Variants in RASGRP3 observed in about 807,000 individuals in gnomAD.
The protein encoded by RASGRP3 is ras guanyl-releasing protein 3.
Under a neutral mutation model 82.7 loss-of-function variants are expected in RASGRP3, and 54 were observed. The ratio of observed to expected loss-of-function variants is 0.65; its 90% confidence interval spans 0.52 to 0.82. The LOEUF (loss-of-function observed/expected upper bound fraction) is 0.82, where lower values mean the gene tolerates loss of function less well. RASGRP3 is among the 40% of genes least tolerant of loss of function. The probability of loss-of-function intolerance (pLI) is 0.00; values close to 1 mark genes in which losing one functional copy is unlikely to be tolerated. For missense variants in RASGRP3, 861 were observed against 828.9 expected (o/e 1.04, Z -0.48); for synonymous variants, 309 against 300.5 (o/e 1.03, Z -0.29).
At chr2:33,454,764 T>C (rs1665956061) in intron 2 of RASGRP3, among the ~76,000 whole-genome samples, 1 of 152,182 alleles carries the variant, frequency 6.6e-6, no homozygotes, top group Admixed American at 6.5e-5. Flanking sequence ...CACTTGAAAC[T>C]GGAATATTAA....
intron 2 of RASGRP3, among the ~76,000 whole-genome samples, chr2:33,459,828 T>C (rs1666260152): frequency 6.6e-6 from 1 of 152,158 alleles, no homozygotes; most frequent in South Asian, 2.1e-4. Flanking sequence ...TCCTCTGGTG[T>C]TGACTGGAAC....
intron 13 of RASGRP3, among the ~76,000 whole-genome samples, chr2:33,547,060 A>G (rs1276956383): frequency 6.0e-5 from 5 of 83,366 alleles, no homozygotes; most frequent in South Asian, 3.3e-4. Flanking sequence ...AGGGAAAAAA[A>G]AAAAAAAAAA....
chr2:33,559,489 A>G, intron 17 of RASGRP3: 1 of 383,496 alleles, frequency 2.6e-6, no homozygotes, highest in Non-Finnish European at 5.2e-6. Context: ...ATCATGGAAA[A>G]GGGGGTGGTG....
At chr2:33,465,228 C>T (rs1351143562) in intron 2 of RASGRP3, among the ~76,000 whole-genome samples, 1 of 152,184 alleles carries the variant, frequency 6.6e-6, no homozygotes, top group Non-Finnish European at 1.5e-5. Context: ...GTGGTCTGGA[C>T]AGCAGATCAA....
rs530957845 is a variant in RASGRP3, at chr2:33,514,120, T to C, written c.-127-890T>C. 10 of 152,310 alleles carry C rather than the reference T, an allele frequency of 6.6e-5. No individual in the cohort carries two copies. The South Asian group carries it at 2.1e-3, about 32-fold the overall frequency. 9.4% of individuals were successfully genotyped at this position (152,310 alleles called of 1,614,324 possible). ...GTTGTGAAGGTCAAGTTCAATAATA[T>C]ATGCAAAGCATTCGGAATGGTGCAT... On this transcript the variant is annotated intron_variant, in intron 2 of 17. Transcript: ENST00000403687.
chr2:33,453,251 C>T (rs952122918), intron 2 of RASGRP3, among the ~76,000 whole-genome samples: 9 of 152,300 alleles, frequency 5.9e-5, no homozygotes, highest in African/African-American at 1.9e-4. Flanking sequence ...GGGCTTAACA[C>T]ACACATTATC....
Position 33,494,908 on chromosome 2 carries a change from A to T in RASGRP3, c.-260-16802A>T, listed in dbSNP as rs80251438. 5.9e-3 allele frequency among the ~76,000 whole-genome samples: 902 copies of T among 152,384 alleles called. 21 individuals are homozygous for T. The highest frequency in any genetic ancestry group is 0.039 in the East Asian group (203 of 5,194). On this transcript the variant is annotated intron_variant, in intron 1 of 17. Coordinates refer to ENST00000403687, the MANE Select transcript of RASGRP3 (RefSeq NM_001139488.2). ...AAGTGGAAATAAATACTAATGTCTTAGACTAACCAAGCTTGACAAATGCTG... is the reference window on the plus strand; with the variant it reads ...AAGTGGAAATAAATACTAATGTCTTTGACTAACCAAGCTTGACAAATGCTG...
At chr2:33,514,250 T>G (rs1178645060) in intron 2 of RASGRP3, among the ~76,000 whole-genome samples, 3 of 152,194 alleles carry the variant, frequency 2.0e-5, no homozygotes, top group Non-Finnish European at 4.4e-5. Context: ...GTTGAATATT[T>G]ATGTAATCAT....
intron 2 of RASGRP3, among the ~76,000 whole-genome samples, chr2:33,468,729 G>A (rs1371402748): frequency 6.6e-6 from 1 of 152,058 alleles, no homozygotes; most frequent in Non-Finnish European, 1.5e-5. Context: ...ATTGCATAGT[G>A]CCATATCTTA....
intron 2 of RASGRP3, among the ~76,000 whole-genome samples, chr2:33,465,899 T>C (rs1666667040): frequency 6.6e-6 from 1 of 151,172 alleles, no homozygotes; most frequent in Admixed American, 6.6e-5. Context: ...CAACAAAGCC[T>C]GGATAACAGC....
chr2:33,562,267 C>CTTT (rs71409631), intron 17 of RASGRP3, among the ~76,000 whole-genome samples: 51 of 127,010 alleles, frequency 4.0e-4, no homozygotes, highest in Non-Finnish European at 4.7e-4. Flanking sequence ...ATCTCTCTCT[C>CTTT]TTTTTTTTTT....
Position 33,539,133 on chromosome 2 carries a change from C to T in RASGRP3, c.1201C>T (p.Pro401Ser), listed in dbSNP as rs1317614176. 6.2e-7 allele frequency: 1 copy of T among 1,611,476 alleles called. No individual in the cohort carries two copies. The highest frequency in any genetic ancestry group is 2.2e-5 in the East Asian group (1 of 44,828). ...SPTTPNKPVV[P>S]LEWALGVMPK... ...TACGACGCCCAACAAGCCTGTGGTA[C>T]CCCTGGAGTGGGCATTAGGGGTGAT... The change falls in exon 12 of 18, where the codon CCC becomes TCC. Residue 401 changes from proline (P) to serine (S), a missense_variant. Coordinates refer to ENST00000403687, the MANE Select transcript of RASGRP3 (RefSeq NM_001139488.2).
intron 10 of RASGRP3, chr2:33,533,413 A>G (rs1673289471): frequency 6.6e-6 from 1 of 152,242 alleles, no homozygotes; most frequent in Non-Finnish European, 1.5e-5. Flanking sequence ...TAGTAATAAT[A>G]TAACTAATAA....
chr2:33,486,267 G>A (rs1018332905), intron 1 of RASGRP3, among the ~76,000 whole-genome samples: 23 of 151,454 alleles, frequency 1.5e-4, no homozygotes, highest in South Asian at 4.2e-4. Context: ...TAGTTCAAGC[G>A]ATTCTCCTGC....
At chr2:33,512,100 T>G (rs779913384) in intron 2 of RASGRP3, among the ~76,000 whole-genome samples, 12 of 152,204 alleles carry the variant, frequency 7.9e-5, no homozygotes, top group Admixed American at 3.9e-4. Flanking sequence ...CTCAGGTAAA[T>G]GTGCAGGTGA....
chr2:33,488,105 C>T (rs989285579), intron 1 of RASGRP3, among the ~76,000 whole-genome samples: 3 of 152,152 alleles, frequency 2.0e-5, no homozygotes, highest in South Asian at 2.1e-4. Context: ...GATTCTTACT[C>T]GATTATTTAT....
At chr2:33,471,403 A>G (rs1307936353) in intron 2 of RASGRP3, among the ~76,000 whole-genome samples, 1 of 146,114 alleles carries the variant, frequency 6.8e-6, no homozygotes, top group African/African-American at 2.6e-5. Flanking sequence ...GCTGATCTCA[A>G]ACTCCTGGCT....
chr2:33,471,408 C>T (rs1440387546), intron 2 of RASGRP3, among the ~76,000 whole-genome samples: 1 of 147,650 alleles, frequency 6.8e-6, no homozygotes, highest in African/African-American at 2.5e-5. Flanking sequence ...TCTCAAACTC[C>T]TGGCTTCAGG....
Position 33,555,553 on chromosome 2 carries a change from G to A in RASGRP3, c.1565G>A (p.Gly522Glu). The change falls in exon 15 of 18, where the codon GGA becomes GAA. Residue 522 changes from glycine to glutamate, a missense_variant. By Grantham distance (98) the Gly-to-Glu change is moderately conservative. Coordinates refer to ENST00000403687, the MANE Select transcript of RASGRP3 (RefSeq NM_001139488.2). ...AGFLWGIIKQ[G>E]YKCKDCGANC... ...CAGCTCTGGGGCATAATCAAGCAAG[G>A]ATACAAATGCAAAGGTAAATCAATG... is the stretch of plus-strand genomic sequence containing the variant. 1 of 1,597,460 alleles carries A rather than the reference G, an allele frequency of 6.3e-7. No homozygotes were observed. Among genetic ancestry groups the A allele is most frequent in the Non-Finnish European group, 8.6e-7 (1 of 1,167,834 alleles).
Sources: gnomAD v4.1 joint callset for allele counts (sites outside exome capture counted in the v4.1 genomes callset) on GRCh38, gnomAD v4.1.1 for gene constraint, MANE v1.5 for transcripts, NCBI Gene and HGNC (gene_info 2026-07-23, HGNC 2026-07-21) for gene names.